The following STRN variants were observed in gnomAD, a reference collection of about 807,000 sequenced individuals.
The protein encoded by STRN is protein phosphatase 2 regulatory subunit B'''alpha.
In STRN, 53 loss-of-function variants were observed where a neutral mutation model predicts 96.3. That is an observed-to-expected ratio of 0.55 (90% CI 0.44 to 0.69). The LOEUF (loss-of-function observed/expected upper bound fraction) is 0.69. Ranked by LOEUF, STRN falls within the 30% of genes least tolerant of loss-of-function variation. The pLI is 0.00. For missense variants in STRN, 987 were observed against 963.9 expected (o/e 1.02, Z -0.32); for synonymous variants, 428 against 355.9 (o/e 1.20, Z -2.28).
chr2:36,874,100 C>CAA (rs566418636), intron 10 of STRN, among the ~76,000 whole-genome samples: 1 of 136,512 alleles, frequency 7.3e-6, no homozygotes, highest in African/African-American at 2.7e-5. Flanking sequence ...ACTAAAAATA[C>CAA]AAAAAAAAAA....
chr2:36,913,588 A>G (rs1191066610), intron 3 of STRN, among the ~76,000 whole-genome samples: 2 of 152,222 alleles, frequency 1.3e-5, no homozygotes, highest in Non-Finnish European at 2.9e-5. Flanking sequence ...TACATGTCAT[A>G]TGTCATTGTA....
chr2:36,853,125 C>A (rs1415909354), intron 15 of STRN, among the ~76,000 whole-genome samples: 5 of 151,556 alleles, frequency 3.3e-5, no homozygotes, highest in Non-Finnish European at 5.9e-5. Flanking sequence ...CCACTGCACT[C>A]CAGCCTGGGC....
intron 12 of STRN, among the ~76,000 whole-genome samples, chr2:36,866,478 T>C (rs1309632420): frequency 1.3e-5 from 2 of 152,242 alleles, no homozygotes; most frequent in South Asian, 2.1e-4. Flanking sequence ...GATTTTAGAA[T>C]ATGTGCCATG....
Position 36,848,710 on chromosome 2 carries a change from A to G in STRN, c.*746T>C, listed in dbSNP as rs1467479045. 1 of 152,270 alleles carries G rather than the reference A, an allele frequency of 6.6e-6. No individual in the cohort carries two copies. Among genetic ancestry groups the G allele is most frequent in the Non-Finnish European group, 1.5e-5 (1 of 68,032 alleles). The allele number at this position is 152,270 out of a possible 1,614,324, so 9.4% of individuals were successfully genotyped here. A position where few individuals can be genotyped will look rare whatever the true frequency, so the allele number is the denominator to read the frequency against. On this transcript the variant is annotated 3_prime_UTR_variant, in exon 18 of 18. Coordinates refer to ENST00000263918, the MANE Select transcript of STRN (RefSeq NM_003162.4). ...AAGTTAAATCTGTTAGTAAAAGCAG[A>G]GTCGATCAACTATTCTTCACAATGG... is the stretch of plus-strand genomic sequence containing the variant.
intron 3 of STRN, among the ~76,000 whole-genome samples, chr2:36,906,463 C>CAATGAATG (rs77063437): frequency 0.11 from 17,107 of 149,782 alleles, 1,202 homozygotes; most frequent in African/African-American, 0.19. Context: ...TGTCTCAAAA[C>CAATGAATG]AATGAATGAA....
intron 7 of STRN, among the ~76,000 whole-genome samples, chr2:36,889,620 G>T (rs1244450390): frequency 1.5e-4 from 21 of 139,518 alleles, no homozygotes; most frequent in African/African-American, 3.5e-4. Context: ...CTTTTTTTTG[G>T]GGGGGGTGGG....
chr2:36,905,438 G>A (rs1669795985), intron 4 of STRN, 102 bp downstream of exon 4: 1 of 1,006,028 alleles, frequency 9.9e-7, no homozygotes, highest in South Asian at 1.4e-5. Context: ...GCATCTGTAT[G>A]AGATAAAATA....
At chr2:36,941,859 T>C (rs567017096) in intron 1 of STRN, among the ~76,000 whole-genome samples, 67 of 152,198 alleles carry the variant, frequency 4.4e-4, no homozygotes, top group African/African-American at 8.4e-4. Context: ...AGCCCTATTA[T>C]TTTTATACTA....
chr2:36,959,813 T>C (rs962014451), intron 1 of STRN, among the ~76,000 whole-genome samples: 1 of 152,224 alleles, frequency 6.6e-6, no homozygotes, highest in Non-Finnish European at 1.5e-5. Context: ...CAATCCTTGC[T>C]GTATACTGGG....
intron 15 of STRN, among the ~76,000 whole-genome samples, chr2:36,854,563 GCA>G (rs1437300323): frequency 6.6e-6 from 1 of 152,156 alleles, no homozygotes; most frequent in African/African-American, 2.4e-5. Context: ...ACATGCATGT[GCA>G]CACACACAAC....
Position 36,948,081 on chromosome 2 carries a change from C to CTTTTTTTTTTTTTTTTTTTT in STRN, c.234+18129_234+18148dup, listed in dbSNP as rs553351693. The stretch of plus-strand genomic sequence containing the variant: ...TCTCCTCTATAATTATCAGTGCACT[C>CTTTTTTTTTTTTTTTTTTTT]TTTTTTTTTTTTTTTTTTTTTTTTT... On this transcript the variant is annotated intron_variant, in intron 1 of 17. Transcript: ENST00000263918. 8.8e-5 allele frequency among the ~76,000 whole-genome samples: 6 copies of CTTTTTTTTTTTTTTTTTTTT among 68,138 alleles called. 2 individuals carry two copies. The highest frequency in any genetic ancestry group is 2.5e-4 in the African/African-American group (4 of 15,886). 44.7% of individuals were successfully genotyped at this position (68,138 alleles called of 152,430 possible).
In STRN at chr2:36,844,044, C is replaced by A. The variant is rs1342765251; in HGVS notation, c.*5412G>T. 1 of 152,142 alleles carries A rather than the reference C, an allele frequency of 6.6e-6. No individual in the cohort carries two copies. 9.4% of individuals were successfully genotyped at this position (152,142 alleles called of 1,614,324 possible). A position where few individuals can be genotyped will look rare whatever the true frequency, so the allele number is the denominator to read the frequency against. ...TGGAGAGAAAGGGTTATTTAGGAAT[C>A]TGAATTGATGACACCCTGTGGTCAG... On this transcript the variant is annotated 3_prime_UTR_variant, in exon 18 of 18. Transcript: ENST00000263918.
In STRN at chr2:36,902,596, G is replaced by A. The variant is rs772668993; in HGVS notation, c.647C>T (p.Thr216Ile). The A allele has an allele frequency of 2.5e-6, 4 of 1,602,490 alleles. No individual in the cohort carries two copies. The highest frequency in any genetic ancestry group is 2.2e-5 in the East Asian group (1 of 44,482). Residue 216 changes from threonine (T) to isoleucine (I), a missense_variant, in exon 5 of 18, where the codon ACA (threonine) becomes ATA (isoleucine). Thr to Ile is a moderately conservative substitution (Grantham distance 89, BLOSUM62 -1). Transcript: ENST00000263918. ...ACAAAATACTTACGCAATCATTGCT[G>A]TCTCTTTAACTTCAGCCTCTGTGCC... ...VNGTEAEVKE[T>I]AMIAKSELTD...
intron 4 of STRN, among the ~76,000 whole-genome samples, chr2:36,903,392 A>C (rs1669739666): frequency 6.6e-6 from 1 of 152,246 alleles, no homozygotes; most frequent in African/African-American, 2.4e-5. Context: ...ACTTACTTGC[A>C]TAACTTTAAT....
rs1015600 is a variant in STRN at position 36,841,129 on chromosome 2, C to T, written c.*8327G>A. On this transcript the variant is annotated 3_prime_UTR_variant, in exon 18 of 18. Coordinates refer to ENST00000263918, the MANE Select transcript of STRN (RefSeq NM_003162.4). ...TGTGATTAGTAGATGTGTATTCCTACGTATTCTACAGCAATGAGAAATAAG... is the reference window on the plus strand; with the variant it reads ...TGTGATTAGTAGATGTGTATTCCTATGTATTCTACAGCAATGAGAAATAAG... 778 of 151,782 alleles carry T rather than the reference C, an allele frequency of 5.1e-3. 7 individuals are homozygous for T. Among genetic ancestry groups the T allele is most frequent in the African/African-American group, 0.017 (714 of 41,306 alleles). 9.4% of individuals were successfully genotyped at this position (151,782 alleles called of 1,614,324 possible).
At chr2:36,961,435 A>T (rs1016863391) in intron 1 of STRN, among the ~76,000 whole-genome samples, 1 of 151,870 alleles carries the variant, frequency 6.6e-6, no homozygotes, top group African/African-American at 2.4e-5. Context: ...GCCCTCTAAA[A>T]ACTGTTAAGT....
At chr2:36,903,222 T>G (rs1669735489) in intron 4 of STRN, among the ~76,000 whole-genome samples, 2 of 152,190 alleles carry the variant, frequency 1.3e-5, no homozygotes. Context: ...GAATTGAAGC[T>G]CCTATCCTGA....
intron 10 of STRN, among the ~76,000 whole-genome samples, chr2:36,871,039 A>C (rs1249568669): frequency 6.6e-6 from 1 of 152,254 alleles, no homozygotes; most frequent in East Asian, 1.9e-4. Flanking sequence ...ATATAAAGGA[A>C]GAGAATATTT....
intron 1 of STRN, among the ~76,000 whole-genome samples, chr2:36,930,582 T>C (rs1197365201): frequency 6.6e-6 from 1 of 152,092 alleles, no homozygotes; most frequent in African/African-American, 2.4e-5. Flanking sequence ...AATTTGCATT[T>C]CTAGTAAGTA....
Sources: gnomAD v4.1 joint callset for allele counts (sites outside exome capture counted in the v4.1 genomes callset) on GRCh38, gnomAD v4.1.1 for gene constraint, MANE v1.5 for transcripts, NCBI Gene and HGNC (gene_info 2026-07-23, HGNC 2026-07-21) for gene names.